The following OR2F2 variants were observed in gnomAD, a reference collection of about 807,000 sequenced individuals.
OR2F2 encodes the protein olfactory receptor family 2 subfamily F member 2, also known as olfactory receptor 2F2.
For synonymous variants in OR2F2, 161 were observed against 159.0 expected (o/e 1.01, Z -0.09); for missense variants, 375 against 380.2 (o/e 0.99, Z 0.11).
In OR2F2 at chr7:143,935,985, C is replaced by T. The variant is rs764010721; in HGVS notation, c.753C>T (p.Cys251=). 2.5e-6 allele frequency: 4 copies of T among 1,613,572 alleles called. No individual in the cohort carries two copies. The highest frequency in any genetic ancestry group is 1.6e-4 in the Middle Eastern group (1 of 6,062). ...CASHLTVVAL[C]YGTTIFTYIQ... The stretch of plus-strand genomic sequence containing the variant: ...CTCACCTCACGGTGGTTGCCCTGTG[C>T]TACGGCACAACGATTTTCACTTACA... The change falls in exon 1 of 1, where the codon TGC becomes TGT. Residue 251 remains cysteine (C), a synonymous_variant. Coordinates refer to ENST00000408955, the MANE Select transcript of OR2F2 (RefSeq NM_001004685.1).
Position 143,936,090 on chromosome 7 carries a change from C to T in OR2F2, c.858C>T (p.Asn286=), listed in dbSNP as rs370596275. Residue 286 remains asparagine (N), a synonymous_variant, in exon 1 of 1, where the codon AAC becomes AAT. Coordinates refer to ENST00000408955, the MANE Select transcript of OR2F2 (RefSeq NM_001004685.1). ...ATGCCATTGTTATGCCTCTGCTGAA[C>T]CCTGTGATTTATAGTCTAAGGAATA... The part of the protein sequence containing the change: ...VFYAIVMPLL[N]PVIYSLRNKE... 6.9e-5 allele frequency: 111 copies of T among 1,614,050 alleles called. No individual in the cohort carries two copies. In the Middle Eastern group the frequency reaches 9.9e-4, roughly 14 times the overall value.
chr7:143,935,578 G>T lies in OR2F2; in HGVS notation c.346G>T (p.Ala116Ser), dbSNP rs1814816144. ...GGGTGGGATTGAGTTTGTTCTCCTG[G>T]CAGTGATGGCCTATGACCGCCATGT... ...ALGGIEFVLLAVMAYDRHVAV... is the reference protein window; with the variant it reads ...ALGGIEFVLLSVMAYDRHVAV... Residue 116 changes from alanine to serine, a missense_variant, in exon 1 of 1, where the codon GCA becomes TCA. Physicochemically the swap from Ala to Ser is moderately conservative, Grantham distance 99. Coordinates refer to ENST00000408955, the MANE Select transcript of OR2F2 (RefSeq NM_001004685.1). 6.2e-7 allele frequency: 1 copy of T among 1,614,058 alleles called. No individual in the cohort carries two copies. The highest frequency in any genetic ancestry group is 1.3e-5 in the African/African-American group (1 of 74,910).
rs963938459 is a variant in OR2F2 at position 143,936,167 on chromosome 7, C to T, written c.935C>T (p.Thr312Ile). ...HKLLEKFSGL[T>I]SKLGT ...CTATTAGAGAAATTCTCTGGGTTAACATCCAAGCTGGGAACTTGACTCATG... is the reference window on the plus strand; with the variant it reads ...CTATTAGAGAAATTCTCTGGGTTAATATCCAAGCTGGGAACTTGACTCATG... Residue 312 changes from threonine to isoleucine, a missense_variant, in exon 1 of 1, where the codon ACA becomes ATA. Transcript: ENST00000408955. 2.5e-6 allele frequency: 4 copies of T among 1,602,712 alleles called. No individual in the cohort carries two copies. The highest frequency in any genetic ancestry group is 3.4e-6 in the Non-Finnish European group (4 of 1,175,184).
Position 143,935,368 on chromosome 7 carries a change from G to C in OR2F2, c.136G>C (p.Val46Leu), listed in dbSNP as rs767270054. The C allele has an allele frequency of 6.2e-7, 1 of 1,614,042 alleles. No individual in the cohort carries two copies. The highest frequency in any genetic ancestry group is 8.5e-7 in the Non-Finnish European group (1 of 1,180,006). The change falls in exon 1 of 1, where the codon GTC becomes CTC. Residue 46 changes from valine to leucine, a missense_variant. By Grantham distance (32) the Val-to-Leu change is conservative. Coordinates refer to ENST00000408955, the MANE Select transcript of OR2F2 (RefSeq NM_001004685.1). ...LMTVLGNCLIVLLIRLDSRLH... is the reference protein window; with the variant it reads ...LMTVLGNCLILLLIRLDSRLH... ...GACAGTGCTGGGGAACTGTCTCATTGTCCTTCTGATCAGACTGGACAGCCG... is the reference window on the plus strand; with the variant it reads ...GACAGTGCTGGGGAACTGTCTCATTCTCCTTCTGATCAGACTGGACAGCCG...
rs779171600 is a variant in OR2F2 at position 143,936,004 on chromosome 7, A to T, written c.772A>T (p.Thr258Ser). 6.2e-7 allele frequency: 1 copy of T among 1,613,812 alleles called. No individual in the cohort carries two copies. The highest frequency in any genetic ancestry group is 8.5e-7 in the Non-Finnish European group (1 of 1,179,986). The change falls in exon 1 of 1, where the codon ACT (threonine) becomes TCT (serine). Residue 258 changes from threonine (T) to serine (S), a missense_variant. Coordinates refer to ENST00000408955, the MANE Select transcript of OR2F2 (RefSeq NM_001004685.1). The stretch of plus-strand genomic sequence containing the variant: ...CCTGTGCTACGGCACAACGATTTTC[A>T]CTTACATCCAGCCCCACTCTGGTCC... ...VALCYGTTIF[T>S]YIQPHSGPSV... is the part of the protein sequence containing the mutation.
Position 143,935,739 on chromosome 7 carries a change from C to T in OR2F2, c.507C>T (p.Cys169=). The T allele has an allele frequency of 1.2e-6, 2 of 1,614,238 alleles. No individual in the cohort carries two copies. The highest frequency in any genetic ancestry group is 1.7e-6 in the Non-Finnish European group (2 of 1,180,048). ...QTAITFQLPM[C]TNKFIDHISC... is the part of the protein sequence containing the mutation. The stretch of plus-strand genomic sequence containing the variant: ...CTATCACCTTTCAGCTGCCCATGTG[C>T]ACTAACAAGTTTATTGATCACATAT... Residue 169 remains cysteine, a synonymous_variant, in exon 1 of 1, where the codon TGC becomes TGT. Coordinates refer to ENST00000408955, the MANE Select transcript of OR2F2 (RefSeq NM_001004685.1).
chr7:143,935,909 T>C lies in OR2F2; in HGVS notation c.677T>C (p.Leu226Pro). Residue 226 changes from leucine to proline, a missense_variant, in exon 1 of 1, where the codon CTA becomes CCA. Physicochemically the swap from Leu to Pro is moderately conservative, Grantham distance 98 (BLOSUM62 -3). Transcript: ENST00000408955. ...LSYIRIISTI[L>P]KIQSREGRKK... ...TACATCCGGATCATCTCCACCATCC[T>C]AAAGATCCAGTCCAGAGAAGGAAGA... The C allele has an allele frequency of 1.2e-6, 2 of 1,614,086 alleles. No homozygotes were observed. Among genetic ancestry groups the C allele is most frequent in the Admixed American group, 3.3e-5 (2 of 60,002 alleles).
At position 143,935,885 on chromosome 7, in the gene OR2F2, A is replaced by G; in HGVS notation, c.653A>G (p.Tyr218Cys). 1.9e-6 allele frequency: 3 copies of G among 1,613,998 alleles called. No individual in the cohort carries two copies. Among genetic ancestry groups the G allele is most frequent in the Non-Finnish European group, 2.5e-6 (3 of 1,180,012 alleles). Reference sequence around the variant, plus strand: ...CCTTTCTGCCTGGTTCTGTTGTCCTACATCCGGATCATCTCCACCATCCTA... The same window carrying G: ...CCTTTCTGCCTGGTTCTGTTGTCCTGCATCCGGATCATCTCCACCATCCTA... ...MTPFCLVLLS[Y>C]IRIISTILKI... The change falls in exon 1 of 1, where the codon TAC becomes TGC. Residue 218 changes from tyrosine to cysteine, a missense_variant. Coordinates refer to ENST00000408955, the MANE Select transcript of OR2F2 (RefSeq NM_001004685.1).
In OR2F2 at chr7:143,935,895, C is replaced by G; in HGVS notation, c.663C>G (p.Ile221Met). 6.2e-7 allele frequency: 1 copy of G among 1,614,144 alleles called. No homozygotes were observed. Among genetic ancestry groups the G allele is most frequent in the East Asian group, 2.2e-5 (1 of 44,868 alleles). ...TGGTTCTGTTGTCCTACATCCGGAT[C>G]ATCTCCACCATCCTAAAGATCCAGT... Reference protein sequence around the residue: ...FCLVLLSYIRIISTILKIQSR... With the variant: ...FCLVLLSYIRMISTILKIQSR... Residue 221 changes from isoleucine to methionine, a missense_variant, in exon 1 of 1, where the codon ATC becomes ATG. Transcript: ENST00000408955.
rs2240359 is a variant in OR2F2 at position 143,935,525 on chromosome 7, C to T, written c.293C>T (p.Ala98Val). Reference protein sequence around the residue: ...EHKAIPFQSCAAQLFFSLALG... With the variant: ...EHKAIPFQSCVAQLFFSLALG... ...AAAGCCATCCCATTCCAGAGCTGTG[C>T]AGCCCAGTTATTTTTCTCCCTGGCC... The change falls in exon 1 of 1, where the codon GCA (alanine) becomes GTA (valine). Residue 98 changes from alanine to valine, a missense_variant. Transcript: ENST00000408955. 515,402 of 1,613,910 alleles carry T rather than the reference C, an allele frequency of 0.32. 89,343 individuals are homozygous for T. Among genetic ancestry groups the T allele is most frequent in the African/African-American group, 0.64 (48,153 of 74,944 alleles).
chr7:143,936,125 AG>A lies in OR2F2; in HGVS notation c.898del (p.Ala300ProfsTer6), dbSNP rs763584957. On this transcript the variant is annotated frameshift_variant, in exon 1 of 1. Coordinates refer to ENST00000408955, the MANE Select transcript of OR2F2 (RefSeq NM_001004685.1). LOFTEE classifies it high-confidence loss of function. ...TATAGTCTAAGGAATAAAGAGGTGAAGGGGGCCTGGCATAAACTATTAGAGA... is the reference window on the plus strand; with the variant it reads ...TATAGTCTAAGGAATAAAGAGGTGAAGGGGCCTGGCATAAACTATTAGAGA... ...VIYSLRNKEVKGAWHKLLEKF... is the reference protein window; with the variant it reads ...VIYSLRNKEVXGAWHKLLEKF... 152 of 1,613,664 alleles carry A rather than the reference AG, an allele frequency of 9.4e-5. No individual in the cohort carries two copies. Among genetic ancestry groups the A allele is most frequent in the Non-Finnish European group, 1.3e-4 (149 of 1,179,922 alleles).
Position 143,935,359 on chromosome 7 carries a change from T to C in OR2F2, c.127T>C (p.Cys43Arg). Residue 43 changes from cysteine (C) to arginine (R), a missense_variant, in exon 1 of 1, where the codon TGT becomes CGT. Transcript: ENST00000408955. ...ATACCTCATGACAGTGCTGGGGAAC[T>C]GTCTCATTGTCCTTCTGATCAGACT... ...VTYLMTVLGNCLIVLLIRLDS... is the reference protein window; with the variant it reads ...VTYLMTVLGNRLIVLLIRLDS... 2 of 1,614,220 alleles carry C rather than the reference T, an allele frequency of 1.2e-6. No homozygotes were observed. The highest frequency in any genetic ancestry group is 1.7e-6 in the Non-Finnish European group (2 of 1,180,028).
chr7:143,936,017 C>T lies in OR2F2; in HGVS notation c.785C>T (p.Pro262Leu), dbSNP rs777392051. 1.2e-6 allele frequency: 2 copies of T among 1,614,034 alleles called. No homozygotes were observed. The highest frequency in any genetic ancestry group is 1.7e-6 in the Non-Finnish European group (2 of 1,180,026). The change falls in exon 1 of 1, where the codon CCC becomes CTC. Residue 262 changes from proline (P) to leucine (L), a missense_variant. Coordinates refer to ENST00000408955, the MANE Select transcript of OR2F2 (RefSeq NM_001004685.1). ...ACAACGATTTTCACTTACATCCAGC[C>T]CCACTCTGGTCCCTCAGTCCTTCAA... ...YGTTIFTYIQ[P>L]HSGPSVLQEK...
rs746224773 is a variant in OR2F2, at chr7:143,935,304, G to C, written c.72G>C (p.Gln24His). Residue 24 changes from glutamine to histidine, a missense_variant, in exon 1 of 1, where the codon CAG (glutamine) becomes CAC (histidine). By Grantham distance (24) the Gln-to-His change is conservative (BLOSUM62 0). Transcript: ENST00000408955. ...LLGLSSDWCT[Q>H]ISLFSLFLVT... ...GCTTATCCAGTGACTGGTGCACTCA[G>C]ATATCCCTGTTTTCCCTGTTCTTGG... 6.2e-7 allele frequency: 1 copy of C among 1,614,196 alleles called. No homozygotes were observed. The highest frequency in any genetic ancestry group is 8.5e-7 in the Non-Finnish European group (1 of 1,180,036).
At position 143,935,349 on chromosome 7, in the gene OR2F2, G is replaced by A; in HGVS notation, c.117G>A (p.Val39=). The part of the protein sequence containing the change: ...SLFLVTYLMT[V]LGNCLIVLLI... The stretch of plus-strand genomic sequence containing the variant: ...TCTTGGTCACATACCTCATGACAGT[G>A]CTGGGGAACTGTCTCATTGTCCTTC... The change falls in exon 1 of 1, where the codon GTG becomes GTA. Residue 39 remains valine (V), a synonymous_variant. Transcript: ENST00000408955. 1 of 1,614,140 alleles carries A rather than the reference G, an allele frequency of 6.2e-7. No individual in the cohort carries two copies. Among genetic ancestry groups the A allele is most frequent in the Non-Finnish European group, 8.5e-7 (1 of 1,180,010 alleles).
chr7:143,935,726 A>G lies in OR2F2; in HGVS notation c.494A>G (p.Gln165Arg). 1 of 1,614,174 alleles carries G rather than the reference A, an allele frequency of 6.2e-7. No homozygotes were observed. Among genetic ancestry groups the G allele is most frequent in the Non-Finnish European group, 8.5e-7 (1 of 1,180,022 alleles). The change falls in exon 1 of 1, where the codon CAG (glutamine) becomes CGG (arginine). Residue 165 changes from glutamine to arginine, a missense_variant. Gln to Arg is a conservative substitution (Grantham distance 43, BLOSUM62 1). Transcript: ENST00000408955. ...NSLVQTAITFQLPMCTNKFID... is the reference protein window; with the variant it reads ...NSLVQTAITFRLPMCTNKFID... ...CTTGTGCAGACTGCTATCACCTTTC[A>G]GCTGCCCATGTGCACTAACAAGTTT...
Position 143,935,998 on chromosome 7 carries a change from A to C in OR2F2, c.766A>C (p.Ile256Leu), listed in dbSNP as rs1386094046. 6.2e-7 allele frequency: 1 copy of C among 1,613,690 alleles called. No individual in the cohort carries two copies. The highest frequency in any genetic ancestry group is 1.7e-5 in the Admixed American group (1 of 59,968). Residue 256 changes from isoleucine to leucine, a missense_variant, in exon 1 of 1, where the codon ATT becomes CTT. By Grantham distance (5) the Ile-to-Leu change is conservative (BLOSUM62 2). Transcript: ENST00000408955. ...TVVALCYGTT[I>L]FTYIQPHSGP... ...GGTTGCCCTGTGCTACGGCACAACG[A>C]TTTTCACTTACATCCAGCCCCACTC...
At position 143,935,382 on chromosome 7, in the gene OR2F2, A is replaced by T. The variant is rs1472354149; in HGVS notation, c.150A>T (p.Arg50Ser). The change falls in exon 1 of 1, where the codon AGA becomes AGT. Residue 50 changes from arginine to serine, a missense_variant. Arg to Ser is a moderately radical substitution (Grantham distance 110, BLOSUM62 -1). Coordinates refer to ENST00000408955, the MANE Select transcript of OR2F2 (RefSeq NM_001004685.1). ...LGNCLIVLLI[R>S]LDSRLHTPMY... is the part of the protein sequence containing the mutation. ...ACTGTCTCATTGTCCTTCTGATCAG[A>T]CTGGACAGCCGACTCCACACTCCCA... The T allele has an allele frequency of 1.2e-6, 2 of 1,613,922 alleles. No individual in the cohort carries two copies. Among genetic ancestry groups the T allele is most frequent in the African/African-American group, 2.7e-5 (2 of 74,878 alleles).
chr7:143,935,694 C>T lies in OR2F2; in HGVS notation c.462C>T (p.Ile154=), dbSNP rs1224455603. The T allele has an allele frequency of 6.2e-7, 1 of 1,614,224 alleles. No individual in the cohort carries two copies. Among genetic ancestry groups the T allele is most frequent in the Non-Finnish European group, 8.5e-7 (1 of 1,180,038 alleles). Residue 154 remains isoleucine, a synonymous_variant, in exon 1 of 1, where the codon ATC becomes ATT. Transcript: ENST00000408955. Reference sequence around the variant, plus strand: ...TCACATCCTGGGTCAGTGGCTCCATCAACTCTCTTGTGCAGACTGCTATCA... The same window carrying T: ...TCACATCCTGGGTCAGTGGCTCCATTAACTCTCTTGTGCAGACTGCTATCA... The part of the protein sequence containing the change: ...LAITSWVSGS[I]NSLVQTAITF...
Sources: gnomAD v4.1 joint callset for allele counts on GRCh38, gnomAD v4.1.1 for gene constraint, MANE v1.5 for transcripts, NCBI Gene and HGNC (gene_info 2026-07-23, HGNC 2026-07-21) for gene names.